LATS2: variants seen among roughly 807,000 people sequenced by gnomAD.
The protein encoded by LATS2 is serine/threonine-protein kinase LATS2.
A neutral mutation model predicts 76.0 loss-of-function variants in LATS2; 24 were observed. The observed-to-expected ratio is 0.32, with a 90% CI of 0.23 to 0.44. LATS2 has a LOEUF of 0.44. Among genes scored for constraint, LATS2 ranks in the 20% least tolerant of loss-of-function variants. The pLI is 1.00. For synonymous variants in LATS2, 692 were observed against 635.4 expected (o/e 1.09, Z -1.34); for missense variants, 1,286 against 1,481.2 (o/e 0.87, Z 2.16).
At position 20,989,282 on chromosome 13, in the gene LATS2, T is replaced by C. The variant is rs1870404291; in HGVS notation, c.498A>G (p.Pro166=). The C allele has an allele frequency of 6.2e-7, 1 of 1,613,924 alleles. No homozygotes were observed. The highest frequency in any genetic ancestry group is 8.5e-7 in the Non-Finnish European group (1 of 1,180,016). Residue 166 remains proline (P), a synonymous_variant, in exon 4 of 8, where the codon CCA becomes CCG. Transcript: ENST00000382592. ...CTTCGAAGCTGGGCCTCCGCGTCAC[T>C]GGGGTTGGCATGAGCCCCTTTCCTG... ...TSPGKGLMPT[P]VTRRPSFEGT...
At chr13:21,059,867 A>C (rs1873570617) in intron 1 of LATS2, among the ~76,000 whole-genome samples, 2 of 149,984 alleles carry the variant, frequency 1.3e-5, no homozygotes, top group Non-Finnish European at 3.0e-5. Context: ...TGGGAGGCTA[A>C]GGCAGGAGAA....
intron 4 of LATS2, among the ~76,000 whole-genome samples, chr13:20,986,910 C>G (rs370958624): frequency 6.6e-6 from 1 of 152,140 alleles, no homozygotes; most frequent in East Asian, 1.9e-4. Flanking sequence ...AAAAAATAAA[C>G]GGCTGGGTGT....
chr13:21,008,147 AG>A (rs1476889849), intron 2 of LATS2, among the ~76,000 whole-genome samples: 2 of 152,234 alleles, frequency 1.3e-5, no homozygotes, highest in East Asian at 3.9e-4. Context: ...ACAGGCCAGT[AG>A]GATGGCACAG....
chr13:21,030,593 AAAAAAAAAAAAAAAAAAAG>A (rs563509784), intron 2 of LATS2, among the ~76,000 whole-genome samples: 3,495 of 71,364 alleles, frequency 0.049, 96 homozygotes, highest in East Asian at 0.092. Flanking sequence ...CTCCGTCTCA[AAAAAAAAAAAAAAAAAAAG>A]AAAAAAAAAA....
intron 2 of LATS2, among the ~76,000 whole-genome samples, chr13:21,012,793 C>A (rs898066729): frequency 3.3e-5 from 5 of 151,920 alleles, no homozygotes; most frequent in African/African-American, 9.7e-5. Context: ...ACACCCCCCC[C>A]CCACCTCCTA....
chr13:20,993,645 C>A (rs1356623493), intron 2 of LATS2, among the ~76,000 whole-genome samples: 1 of 152,072 alleles, frequency 6.6e-6, no homozygotes, highest in African/African-American at 2.4e-5. Flanking sequence ...GGCGCCTGGA[C>A]TACCAGAAAG....
chr13:21,030,391 C>T (rs200608951), intron 2 of LATS2, among the ~76,000 whole-genome samples: 1 of 151,778 alleles, frequency 6.6e-6, no homozygotes, highest in East Asian at 1.9e-4. Flanking sequence ...AGATCGAGAC[C>T]ATCCTGGCCA....
chr13:21,034,467 G>A (rs902988908), intron 2 of LATS2, among the ~76,000 whole-genome samples: 3 of 152,156 alleles, frequency 2.0e-5, no homozygotes, highest in Non-Finnish European at 2.9e-5. Context: ...AGCCAGAGCC[G>A]GCACGTCCTT....
chr13:20,973,600 T>C lies in LATS2; in HGVS notation c.*1270A>G, dbSNP rs1163608141. The C allele has an allele frequency of 4.3e-6, 1 of 232,512 alleles. No homozygotes were observed. The highest frequency in any genetic ancestry group is 6.1e-5 in the East Asian group (1 of 16,348). The allele number at this position is 232,512 out of a possible 1,614,324, so 14.4% of individuals were successfully genotyped here. ...TGGCTTACTTTTTATTTCAATGTCA[T>C]TTTGAAGAATCTTTGCTTTTTTACA... On this transcript the variant is annotated 3_prime_UTR_variant, in exon 8 of 8. Coordinates refer to ENST00000382592, the MANE Select transcript of LATS2 (RefSeq NM_014572.3).
chr13:21,059,241 G>A (rs181962345), intron 1 of LATS2, among the ~76,000 whole-genome samples: 1 of 152,260 alleles, frequency 6.6e-6, no homozygotes, highest in Admixed American at 6.5e-5. Context: ...TTTTTTACCG[G>A]CCAAATGTAT....
At chr13:21,015,782 C>T (rs1005982538) in intron 2 of LATS2, among the ~76,000 whole-genome samples, 5 of 152,154 alleles carry the variant, frequency 3.3e-5, no homozygotes, top group African/African-American at 1.2e-4. Context: ...TAACTGCAAC[C>T]TCCGCCTCCC....
intron 1 of LATS2, among the ~76,000 whole-genome samples, chr13:21,051,931 T>C (rs573886284): frequency 7.9e-5 from 12 of 152,234 alleles, no homozygotes; most frequent in Non-Finnish European, 1.5e-4. Context: ...CACTCCAGCC[T>C]GGGAGTCAGA....
At chr13:20,985,474 C>T (rs148105702) in intron 4 of LATS2, among the ~76,000 whole-genome samples, 351 of 152,356 alleles carry the variant, frequency 2.3e-3, no homozygotes, top group African/African-American at 7.8e-3. Flanking sequence ...TATGGTGGCT[C>T]ACGCCTGTAA....
chr13:20,998,692 G>C (rs1310250747), intron 2 of LATS2, among the ~76,000 whole-genome samples: 5 of 152,218 alleles, frequency 3.3e-5, no homozygotes, highest in African/African-American at 9.6e-5. Flanking sequence ...CCCTGAGCGC[G>C]GCGCTCCCGG....
At chr13:21,014,029 G>A (rs1304930550) in intron 2 of LATS2, among the ~76,000 whole-genome samples, 1 of 151,486 alleles carries the variant, frequency 6.6e-6, no homozygotes, top group Non-Finnish European at 1.5e-5. Flanking sequence ...AGGAGGAAGA[G>A]GAGGAGGAGG....
At chr13:20,995,411 A>T (rs924606358) in intron 2 of LATS2, among the ~76,000 whole-genome samples, 1 of 152,198 alleles carries the variant, frequency 6.6e-6, no homozygotes, top group African/African-American at 2.4e-5. Context: ...GCATGCCAAG[A>T]TGTGGAAAGG....
chr13:20,989,401 G>A (rs1565945971), intron 3 of LATS2, 97 bp from the exon 4 acceptor site: 1 of 1,321,210 alleles, frequency 7.6e-7, no homozygotes, highest in Non-Finnish European at 1.1e-6. Flanking sequence ...TGCCCTCGGG[G>A]CTGAGGGTCT....
chr13:20,977,638 ATAAT>A (rs915471944), intron 7 of LATS2, among the ~76,000 whole-genome samples: 11 of 151,644 alleles, frequency 7.3e-5, no homozygotes, highest in Admixed American at 1.3e-4. Flanking sequence ...GGTAATTAAA[ATAAT>A]TAAGATGGTA....
intron 1 of LATS2, among the ~76,000 whole-genome samples, chr13:21,048,573 G>A (rs921750614): frequency 6.6e-5 from 10 of 152,258 alleles, no homozygotes; most frequent in East Asian, 1.9e-4. Flanking sequence ...GCTCACGTCT[G>A]TAATCCCAGC....
Sources: gnomAD v4.1 joint callset for allele counts (sites outside exome capture counted in the v4.1 genomes callset) on GRCh38, gnomAD v4.1.1 for gene constraint, MANE v1.5 for transcripts, NCBI Gene and HGNC (gene_info 2026-07-23, HGNC 2026-07-21) for gene names.